Variants in CAB39L observed in about 807,000 individuals in gnomAD.
CAB39L encodes the protein calcium-binding protein 39-like.
A neutral mutation model predicts 39.1 loss-of-function variants in CAB39L; 23 were observed. The observed-to-expected ratio is 0.59, with a 90% CI of 0.42 to 0.83. CAB39L has a LOEUF of 0.83. Among genes scored for constraint, CAB39L ranks in the 40% least tolerant of loss-of-function variants. The probability of loss-of-function intolerance (pLI) is 0.00; values close to 1 mark genes in which losing one functional copy is unlikely to be tolerated. For missense variants in CAB39L, 366 were observed against 391.9 expected (o/e 0.93, Z 0.56); for synonymous variants, 126 against 137.2 (o/e 0.92, Z 0.57).
chr13:49,377,044 C>A lies in CAB39L; in HGVS notation c.199G>T (p.Ala67Ser). 1 of 1,613,812 alleles carries A rather than the reference C, an allele frequency of 6.2e-7. No homozygotes were observed. Among genetic ancestry groups the A allele is most frequent in the Non-Finnish European group, 8.5e-7 (1 of 1,179,730 alleles). ...CTGTAGAGTTCTTGTGCTAGCTGAG[C>A]CACTGCTTCTGTTGGGGGTTCTTTC... ...NEKEPPTEAV[A>S]QLAQELYSSG... is the part of the protein sequence containing the mutation. Residue 67 changes from alanine (A) to serine (S), a missense_variant, in exon 5 of 11, where the codon GCT (alanine) becomes TCT (serine). Coordinates refer to ENST00000409308, the MANE Select transcript of CAB39L (RefSeq NM_001079670.3).
intron 4 of CAB39L, 96 bp downstream of exon 4, chr13:49,382,701 TCAC>T: frequency 1.3e-6 from 1 of 756,970 alleles, no homozygotes; most frequent in Non-Finnish European, 2.3e-6. Flanking sequence ...TATGTGCACA[TCAC>T]AGACCATATT....
intron 3 of CAB39L, among the ~76,000 whole-genome samples, chr13:49,399,914 G>T (rs1051637244): frequency 1.3e-5 from 2 of 151,914 alleles, no homozygotes; most frequent in African/African-American, 4.8e-5. Flanking sequence ...GCCCAGAAAA[G>T]GTTCCCACAG....
At chr13:49,326,229 T>C (rs1954493375) in intron 10 of CAB39L, among the ~76,000 whole-genome samples, 1 of 152,168 alleles carries the variant, frequency 6.6e-6, no homozygotes, top group Non-Finnish European at 1.5e-5. Flanking sequence ...TATCCCTCAA[T>C]CCATATTGGG....
intron 3 of CAB39L, among the ~76,000 whole-genome samples, chr13:49,423,538 A>C (rs1322794): frequency 0.09 from 13,667 of 152,168 alleles, 1,126 homozygotes; most frequent in East Asian, 0.2. Context: ...GGCAACAGAG[A>C]AACACTCCCA....
chr13:49,339,886 A>T, intron 8 of CAB39L, 144 bp from the exon 9 acceptor site: 1 of 1,030,296 alleles, frequency 9.7e-7, no homozygotes, highest in Non-Finnish European at 1.3e-6. Context: ...ACTGGGGGAC[A>T]GGGAGGTCAA....
At chr13:49,330,425 G>C (rs920598878) in intron 10 of CAB39L, among the ~76,000 whole-genome samples, 1 of 152,016 alleles carries the variant, frequency 6.6e-6, no homozygotes, top group Non-Finnish European at 1.5e-5. Flanking sequence ...AAGATTTTGA[G>C]ACCAGCCTGG....
At chr13:49,386,860 C>G (rs13378622) in intron 3 of CAB39L, among the ~76,000 whole-genome samples, 82,082 of 150,786 alleles carry the variant, frequency 0.54, 23,786 homozygotes, top group African/African-American at 0.72. Context: ...ACACCTCCCC[C>G]ACTCCAAGAC....
At chr13:49,337,301 T>A (rs574265029) in intron 9 of CAB39L, among the ~76,000 whole-genome samples, 18 of 152,328 alleles carry the variant, frequency 1.2e-4, no homozygotes, top group Non-Finnish European at 2.6e-4. Context: ...AAGTGTGATG[T>A]TTAGCAAGCT....
intron 9 of CAB39L, among the ~76,000 whole-genome samples, chr13:49,336,430 G>A (rs980985837): frequency 6.6e-6 from 1 of 152,130 alleles, no homozygotes; most frequent in African/African-American, 2.4e-5. Context: ...AAAGATTTTA[G>A]GAGGAATAGC....
At chr13:49,335,773 G>T (rs1222864116) in intron 9 of CAB39L, among the ~76,000 whole-genome samples, 1 of 152,076 alleles carries the variant, frequency 6.6e-6, no homozygotes, top group African/African-American at 2.4e-5. Flanking sequence ...AAATTCCAAA[G>T]CTCTGTCACA....
At chr13:49,414,775 C>T (rs9596097) in intron 3 of CAB39L, among the ~76,000 whole-genome samples, 8,097 of 152,150 alleles carry the variant, frequency 0.053, 395 homozygotes, top group East Asian at 0.2. Context: ...AGTAAGACTA[C>T]AGATTACTTT....
intron 6 of CAB39L, among the ~76,000 whole-genome samples, chr13:49,353,443 T>A (rs1016712212): frequency 1.3e-5 from 2 of 152,154 alleles, no homozygotes; most frequent in Non-Finnish European, 2.9e-5. Context: ...ATATGTGGAT[T>A]TTTGTAATTT....
intron 7 of CAB39L, among the ~76,000 whole-genome samples, chr13:49,346,685 G>A (rs1955187820): frequency 1.3e-5 from 2 of 152,140 alleles, no homozygotes; most frequent in African/African-American, 4.8e-5. Flanking sequence ...AGTGTACCGA[G>A]CACTTTGCAA....
At chr13:49,330,166 A>G (rs1954648971) in intron 10 of CAB39L, among the ~76,000 whole-genome samples, 1 of 152,244 alleles carries the variant, frequency 6.6e-6, no homozygotes, top group African/African-American at 2.4e-5. Context: ...TGTACTCAGC[A>G]TAATTTTTAC....
At position 49,357,005 on chromosome 13, in the gene CAB39L, C is replaced by T. The variant is rs1039868708; in HGVS notation, c.395+2709G>A. ...GAGAGGTTGCAGTGAGCCGAGATCA[C>T]GCCACTGCACTCCAGCCTGGGCGAC... On this transcript the variant is annotated intron_variant, in intron 6 of 10. Transcript: ENST00000409308. Among the ~76,000 whole-genome samples the T allele has an allele frequency of 5.3e-5, 8 of 150,010 alleles. No individual in the cohort carries two copies. In the East Asian group the frequency reaches 5.9e-4, roughly 11 times the overall value.
intron 1 of CAB39L, among the ~76,000 whole-genome samples, chr13:49,439,455 T>C (rs998521002): frequency 2.0e-5 from 3 of 152,180 alleles, no homozygotes; most frequent in Non-Finnish European, 4.4e-5. Flanking sequence ...ATTCCTTCCC[T>C]GCATAGTATT....
intron 3 of CAB39L, among the ~76,000 whole-genome samples, chr13:49,411,524 GATGT>G (rs1225698821): frequency 2.0e-5 from 3 of 151,328 alleles, no homozygotes; most frequent in East Asian, 1.9e-4. Flanking sequence ...GGCATACGTA[GATGT>G]ATGTATTTGT....
chr13:49,434,864 T>C (rs570737518), intron 1 of CAB39L, among the ~76,000 whole-genome samples: 1 of 152,334 alleles, frequency 6.6e-6, no homozygotes, highest in African/African-American at 2.4e-5. Flanking sequence ...TGTGTGGTTA[T>C]GTCACCAAAA....
chr13:49,402,956 G>A (rs1956804135), intron 3 of CAB39L, among the ~76,000 whole-genome samples: 1 of 151,976 alleles, frequency 6.6e-6, no homozygotes, highest in Non-Finnish European at 1.5e-5. Flanking sequence ...GAAGTGTCTA[G>A]TACCTTAGGT....
Sources: gnomAD v4.1 joint callset for allele counts (sites outside exome capture counted in the v4.1 genomes callset) on GRCh38, gnomAD v4.1.1 for gene constraint, MANE v1.5 for transcripts, NCBI Gene and HGNC (gene_info 2026-07-23, HGNC 2026-07-21) for gene names.